NUBP1: variants seen among roughly 807,000 people sequenced by gnomAD.
NUBP1 encodes cytosolic Fe-S cluster assembly factor NUBP1.
Under a neutral mutation model 41.8 loss-of-function variants are expected in NUBP1, and 46 were observed. The ratio of observed to expected loss-of-function variants is 1.10; its 90% CI spans 0.87 to 1.41. NUBP1 has a LOEUF of 1.41. Among genes scored for constraint, NUBP1 ranks in the 40% most tolerant of loss-of-function variants. The pLI is 0.00. For missense variants in NUBP1, 494 were observed against 414.0 expected (o/e 1.19, Z -1.68); for synonymous variants, 189 against 154.6 (o/e 1.22, Z -1.65).
rs562279267 is a variant in NUBP1 at position 10,768,191 on chromosome 16, A to G, written c.904+159A>G. 1.4e-4 allele frequency: 81 copies of G among 561,848 alleles called. No homozygotes were observed. Among genetic ancestry groups the G allele is most frequent in the Non-Finnish European group, 2.2e-4 (70 of 318,568 alleles). 34.8% of individuals were successfully genotyped at this position (561,848 alleles called of 1,614,324 possible). ...CCAGGAGTCCATGAGAAATCTCTCAATGTGTGAGTATTGTGAATTAATTCA... is the reference window on the plus strand; with the variant it reads ...CCAGGAGTCCATGAGAAATCTCTCAGTGTGTGAGTATTGTGAATTAATTCA... On this transcript the variant is annotated intron_variant, in intron 10 of 10. Coordinates refer to ENST00000283027, the MANE Select transcript of NUBP1 (RefSeq NM_002484.4). This position sits in a 1 kb window ranked among gnomAD's most constrained non-coding sequence, Gnocchi z 4.3.
At position 10,757,677 on chromosome 16, in the gene NUBP1, C is replaced by T. The variant is rs1156955818; in HGVS notation, c.452-196C>T. On this transcript the variant is annotated intron_variant, in intron 6 of 10. Transcript: ENST00000283027. The surrounding 1 kb of genome is among the most constrained non-coding windows in gnomAD (Gnocchi z 4.1). ...ACAAAAAGATCAGATCATGCTTCTC[C>T]GTGAGCTGGGCACAGTGGCACGCAC... Among the ~76,000 whole-genome samples, 5 of 152,068 alleles carry T rather than the reference C, an allele frequency of 3.3e-5. No individual in the cohort carries two copies. The highest frequency in any genetic ancestry group is 1.3e-4 in the Admixed American group (2 of 15,248).
chr16:10,744,717 T>A (rs942808435), intron 2 of NUBP1, among the ~76,000 whole-genome samples: 12 of 152,116 alleles, frequency 7.9e-5, no homozygotes, highest in African/African-American at 2.9e-4. Flanking sequence ...CAGAAGGACC[T>A]TAAAAAGCAG....
At chr16:10,751,781 T>C (rs967216762) in intron 3 of NUBP1, among the ~76,000 whole-genome samples, 1 of 152,210 alleles carries the variant, frequency 6.6e-6, no homozygotes, top group East Asian at 1.9e-4. Context: ...GCCTAAACCA[T>C]CATTCACCTT....
At chr16:10,751,233 G>T (rs774076370) in intron 3 of NUBP1, among the ~76,000 whole-genome samples, 1 of 152,218 alleles carries the variant, frequency 6.6e-6, no homozygotes, top group Non-Finnish European at 1.5e-5. Flanking sequence ...AGGGCATGGA[G>T]ACAGAGTCAC....
At chr16:10,752,237 G>A (rs28444515) in intron 3 of NUBP1, among the ~76,000 whole-genome samples, 63 of 152,328 alleles carry the variant, frequency 4.1e-4, no homozygotes, top group South Asian at 2.1e-3. Context: ...CAACACTGCC[G>A]TCTCTTGGCT....
chr16:10,759,907 C>T lies in NUBP1; in HGVS notation c.607-1457C>T, dbSNP rs1900826461. On this transcript the variant is annotated intron_variant, in intron 7 of 10. Coordinates refer to ENST00000283027, the MANE Select transcript of NUBP1 (RefSeq NM_002484.4). This position sits in a 1 kb window ranked among gnomAD's most constrained non-coding sequence, Gnocchi z 4.7. ...TCTCAGGAAAAGAACAGGCCCAAAGCTGCGAGCCTTTCGGGCTCACGTGAG... is the reference window on the plus strand; with the variant it reads ...TCTCAGGAAAAGAACAGGCCCAAAGTTGCGAGCCTTTCGGGCTCACGTGAG... Among the ~76,000 whole-genome samples the T allele has an allele frequency of 6.6e-6, 1 of 152,238 alleles. No homozygotes were observed. Among genetic ancestry groups the T allele is most frequent in the Non-Finnish European group, 1.5e-5 (1 of 68,042 alleles).
chr16:10,752,388 G>T (rs1005188566), intron 3 of NUBP1, among the ~76,000 whole-genome samples: 1 of 152,210 alleles, frequency 6.6e-6, no homozygotes, highest in Non-Finnish European at 1.5e-5. Context: ...CCCTTGAGGA[G>T]CTCAGCCAGG....
In NUBP1 at chr16:10,767,700, T is replaced by TA. The variant is rs1269099644; in HGVS notation, c.821-249_821-248insA. Reference sequence around the variant, plus strand: ...TGTGGAAGCTGCTGAATCAGTTCTCTGTAGGGCCCTGGAACCTGCATTTTC... The same window carrying TA: ...TGTGGAAGCTGCTGAATCAGTTCTCTAGTAGGGCCCTGGAACCTGCATTTTC... On this transcript the variant is annotated intron_variant, in intron 9 of 10. Transcript: ENST00000283027. The surrounding 1 kb of genome is among the most constrained non-coding windows in gnomAD (Gnocchi z 4.6). The TA allele has an allele frequency of 1.1e-5, 6 of 550,824 alleles. No individual in the cohort carries two copies. The highest frequency in any genetic ancestry group is 3.8e-5 in the African/African-American group (2 of 52,928). The allele number at this position is 550,824 out of a possible 1,614,324, so 34.1% of individuals were successfully genotyped here.
Position 10,749,213 on chromosome 16 carries a change from A to G in NUBP1, c.258+1937A>G, listed in dbSNP as rs896241024. On this transcript the variant is annotated intron_variant, in intron 3 of 10. Coordinates refer to ENST00000283027, the MANE Select transcript of NUBP1 (RefSeq NM_002484.4). The surrounding 1 kb of genome is among the most constrained non-coding windows in gnomAD (Gnocchi z 4.1). ...TGAGTCAGCGATCTCTTGCCATTTG[A>G]GGGTCAAATCTGTACTGGCCTAGTG... Among the ~76,000 whole-genome samples, 2 of 150,822 alleles carry G rather than the reference A, an allele frequency of 1.3e-5. No homozygotes were observed. Among genetic ancestry groups the G allele is most frequent in the African/African-American group, 4.9e-5 (2 of 40,714 alleles).
In NUBP1 at chr16:10,767,483, TGC is replaced by T. The variant is rs139802264; in HGVS notation, c.821-463_821-462del. ...GTATATGAGAGTGTGTGTATGTGTG[TGC>T]GCACACATGCAAGTGTGCACATTTA... On this transcript the variant is annotated intron_variant, in intron 9 of 10. Transcript: ENST00000283027. The surrounding 1 kb of genome is among the most constrained non-coding windows in gnomAD (Gnocchi z 4.6). 0.26 allele frequency: 109,154 copies of T among 422,958 alleles called. 14,885 individuals carry two copies. Among genetic ancestry groups the T allele is most frequent in the South Asian group, 0.33 (3,287 of 9,936 alleles). The allele number at this position is 422,958 out of a possible 1,614,324, so 26.2% of individuals were successfully genotyped here. A position where few individuals can be genotyped will look rare whatever the true frequency, so the allele number is the denominator to read the frequency against.
intron 2 of NUBP1, among the ~76,000 whole-genome samples, chr16:10,745,728 G>A (rs1596448335): frequency 6.6e-6 from 1 of 151,988 alleles, no homozygotes; most frequent in East Asian, 1.9e-4. Context: ...TTCGTGCCCA[G>A]TATATCTACA....
At position 10,749,164 on chromosome 16, in the gene NUBP1, C is replaced by A. The variant is rs1013023608; in HGVS notation, c.258+1888C>A. Among the ~76,000 whole-genome samples the A allele has an allele frequency of 3.3e-5, 5 of 150,524 alleles. No individual in the cohort carries two copies. Among genetic ancestry groups the A allele is most frequent in the African/African-American group, 1.2e-4 (5 of 40,888 alleles). On this transcript the variant is annotated intron_variant, in intron 3 of 10. Transcript: ENST00000283027. This position sits in a 1 kb window ranked among gnomAD's most constrained non-coding sequence, Gnocchi z 4.1. ...ACACACACACACACACACACACACA[C>A]ACACACGTTGATTCGTCATTCTGTG...
In NUBP1 at chr16:10,767,452, T is replaced by C. The variant is rs546853314; in HGVS notation, c.821-497T>C. 13 of 398,432 alleles carry C rather than the reference T, an allele frequency of 3.3e-5. No homozygotes were observed. Among genetic ancestry groups the C allele is most frequent in the African/African-American group, 2.5e-4 (12 of 48,572 alleles). 24.7% of individuals were successfully genotyped at this position (398,432 alleles called of 1,614,324 possible). A position where few individuals can be genotyped will look rare whatever the true frequency, so the allele number is the denominator to read the frequency against. Reference sequence around the variant, plus strand: ...TGTGTGTCATGTGCTCCCATTCGTATTTTAGGTATATGAGAGTGTGTGTAT... The same window carrying C: ...TGTGTGTCATGTGCTCCCATTCGTACTTTAGGTATATGAGAGTGTGTGTAT... On this transcript the variant is annotated intron_variant, in intron 9 of 10. Transcript: ENST00000283027. This position sits in a 1 kb window ranked among gnomAD's most constrained non-coding sequence, Gnocchi z 4.6.
Position 10,761,398 on chromosome 16 carries a change from A to G in NUBP1, c.641A>G (p.Asn214Ser), listed in dbSNP as rs765734724. 15 of 1,614,004 alleles carry G rather than the reference A, an allele frequency of 9.3e-6. No homozygotes were observed. Among genetic ancestry groups the G allele is most frequent in the African/African-American group, 1.3e-5 (1 of 74,906 alleles). The change falls in exon 8 of 11, where the codon AAC (asparagine) becomes AGC (serine). Residue 214 changes from asparagine (N) to serine (S), a missense_variant. Coordinates refer to ENST00000283027, the MANE Select transcript of NUBP1 (RefSeq NM_002484.4). The part of the protein sequence containing the change: ...VSLQDVRKEI[N>S]FCRKVKLPII... ...CTCCAGGATGTCCGGAAAGAAATCA[A>G]CTTCTGCCGCAAGGTGAAGCTGCCC...
chr16:10,763,997 AAGGAGCATCTCAGCCCAC>A (rs749063615), intron 9 of NUBP1, among the ~76,000 whole-genome samples: 6 of 149,502 alleles, frequency 4.0e-5, no homozygotes, highest in Non-Finnish European at 7.5e-5. Context: ...TCCCAACTCA[AAGGAGCATCTCAGCCCAC>A]AGGAGTACCT....
Position 10,767,553 on chromosome 16 carries a change from G to GTTT in NUBP1, c.821-396_821-395insTTT, listed in dbSNP as rs1773206216. On this transcript the variant is annotated intron_variant, in intron 9 of 10. Coordinates refer to ENST00000283027, the MANE Select transcript of NUBP1 (RefSeq NM_002484.4). This position sits in a 1 kb window ranked among gnomAD's most constrained non-coding sequence, Gnocchi z 4.6. ...TGGAAAGACACCTAGAACACTAGTA[G>GTTT]CCCTTTTCGGACTTGGCCTTTTATG... The GTTT allele has an allele frequency of 2.2e-6, 1 of 454,030 alleles. No individual in the cohort carries two copies. Among genetic ancestry groups the GTTT allele is most frequent in the South Asian group, 6.4e-5 (1 of 15,514 alleles). The allele number at this position is 454,030 out of a possible 1,614,324, so 28.1% of individuals were successfully genotyped here.
rs58201009 is a variant in NUBP1, at chr16:10,749,126, TACAC to T, written c.258+1891_258+1894del. ...GGATATAGATAGATACACAGACACA[TACAC>T]ACACACACACACACACACACACACA... On this transcript the variant is annotated intron_variant, in intron 3 of 10. Transcript: ENST00000283027. This position sits in a 1 kb window ranked among gnomAD's most constrained non-coding sequence, Gnocchi z 4.1. Among the ~76,000 whole-genome samples, 7,784 of 120,924 alleles carry T rather than the reference TACAC, an allele frequency of 0.064. 259 individuals are homozygous for T. Among genetic ancestry groups the T allele is most frequent in the East Asian group, 0.089 (369 of 4,128 alleles). The allele number at this position is 120,924 out of a possible 152,430, so 79.3% of individuals were successfully genotyped here. A position where few individuals can be genotyped will look rare whatever the true frequency, so the allele number is the denominator to read the frequency against.
chr16:10,756,502 C>T (rs184595387), intron 5 of NUBP1, among the ~76,000 whole-genome samples, 188 bp from the exon 6 acceptor site: 1 of 151,666 alleles, frequency 6.6e-6, no homozygotes. Flanking sequence ...AATCCCCCAA[C>T]ATGGTACCCT....
chr16:10,757,279 G>A lies in NUBP1; in HGVS notation c.451+499G>A, dbSNP rs1355482630. On this transcript the variant is annotated intron_variant, in intron 6 of 10. Transcript: ENST00000283027. The surrounding 1 kb of genome is among the most constrained non-coding windows in gnomAD (Gnocchi z 4.1). ...TGCACTCCAGCCTGTGTGACAGAGC[G>A]AGACTTTTTCTCAAAAAAAAAGCTA... is the stretch of plus-strand genomic sequence containing the variant. Among the ~76,000 whole-genome samples the A allele has an allele frequency of 6.6e-6, 1 of 152,084 alleles. No individual in the cohort carries two copies. Among genetic ancestry groups the A allele is most frequent in the Non-Finnish European group, 1.5e-5 (1 of 68,018 alleles).
Sources: allele counts gnomAD v4.1 joint callset (sites outside exome capture counted in the v4.1 genomes callset), GRCh38; gene constraint gnomAD v4.1.1; non-coding constraint Gnocchi (gnomAD v3.1); transcripts MANE v1.5; gene names NCBI Gene and HGNC (gene_info 2026-07-23, HGNC 2026-07-21).